SNTG1: variants seen among roughly 807,000 people sequenced by gnomAD.
The protein encoded by SNTG1 is gamma-1-syntrophin.
Under a neutral mutation model 74.7 loss-of-function variants are expected in SNTG1, and 39 were observed. The ratio of observed to expected loss-of-function variants is 0.52; its 90% CI spans 0.40 to 0.68. SNTG1 has a LOEUF of 0.68. Ranked by LOEUF, SNTG1 falls within the 30% of genes least tolerant of loss-of-function variation. The pLI is 0.00. For synonymous variants in SNTG1, 254 were observed against 217.1 expected, an observed-to-expected ratio of 1.17 and a Z score of -1.49; for missense variants, 685 against 609.5, an observed-to-expected ratio of 1.12 and a Z score of -1.30.
At chr8:50,434,686 T>C (rs1197495026) in intron 4 of SNTG1, among the ~76,000 whole-genome samples, 2 of 152,324 alleles carry the variant, frequency 1.3e-5, no homozygotes, top group East Asian at 3.9e-4. Flanking sequence ...ATAAATGTCA[T>C]CTTTTGAGAA....
chr8:50,584,897 G>A (rs1345950170), intron 12 of SNTG1, among the ~76,000 whole-genome samples: 1 of 152,020 alleles, frequency 6.6e-6, no homozygotes, highest in Non-Finnish European at 1.5e-5. Flanking sequence ...GACCTGGGTG[G>A]GCACTGGGTC....
intron 2 of SNTG1, among the ~76,000 whole-genome samples, chr8:50,269,863 T>C (rs140678415): frequency 4.3e-3 from 653 of 152,284 alleles, no homozygotes; most frequent in East Asian, 0.016. Context: ...ACACATTTAC[T>C]CTATGAGCTT....
rs548642691 is a variant in SNTG1, at chr8:50,760,669, C to CA, written c.1395+8566dup. Reference sequence around the variant, plus strand: ...TAAAGAGAGAAGAATCAAATAGACACAAAAAAAATGATAAAAAGAATATCA... The same window carrying CA: ...TAAAGAGAGAAGAATCAAATAGACACAAAAAAAAATGATAAAAAGAATATCA... On this transcript the variant is annotated intron_variant, in intron 18 of 18. Transcript: ENST00000642720. Among the ~76,000 whole-genome samples, 43 of 151,170 alleles carry CA rather than the reference C, an allele frequency of 2.8e-4. 1 individual carries two copies. The South Asian group carries it at 3.1e-3, about 11-fold the overall frequency.
At chr8:50,488,500 T>G (rs2093819419) in intron 8 of SNTG1, among the ~76,000 whole-genome samples, 1 of 152,168 alleles carries the variant, frequency 6.6e-6, no homozygotes, top group African/African-American at 2.4e-5. Flanking sequence ...TTAAAATAAC[T>G]CTCCACACAG....
At chr8:50,326,800 A>G (rs2090767750) in intron 2 of SNTG1, among the ~76,000 whole-genome samples, 1 of 151,572 alleles carries the variant, frequency 6.6e-6, no homozygotes, top group African/African-American at 2.4e-5. Flanking sequence ...TTTTGAGCTC[A>G]CTTTTGTTCT....
intron 2 of SNTG1, among the ~76,000 whole-genome samples, chr8:50,256,001 C>A (rs558715926): frequency 2.4e-4 from 36 of 152,274 alleles, no homozygotes; most frequent in African/African-American, 7.9e-4. Flanking sequence ...CCACCTCTTC[C>A]ATTAGCCCTT....
chr8:50,402,756 G>A (rs1239569879), intron 4 of SNTG1, among the ~76,000 whole-genome samples: 4 of 152,152 alleles, frequency 2.6e-5, no homozygotes, highest in African/African-American at 7.2e-5. Context: ...ATCAGGAGAC[G>A]TTAGGCAGCG....
At chr8:50,667,284 C>T (rs2095255328) in intron 15 of SNTG1, among the ~76,000 whole-genome samples, 1 of 151,968 alleles carries the variant, frequency 6.6e-6, no homozygotes, top group Admixed American at 6.6e-5. Context: ...TGTAAGAACG[C>T]CAAAGTAACC....
rs1246737920 is a variant in SNTG1, at chr8:49,912,029, C to T, written c.-305C>T. 6.6e-6 allele frequency: 1 copy of T among 152,256 alleles called. No individual in the cohort carries two copies. The allele number at this position is 152,256 out of a possible 1,614,324, so 9.4% of individuals were successfully genotyped here. A position where few individuals can be genotyped will look rare whatever the true frequency, so the allele number is the denominator to read the frequency against. Reference sequence around the variant, plus strand: ...GAGGAATTCTGGAGGAGAGTAAAGTCGAAGTTCTTAGAAGCTCTGAGAAAT... The same window carrying T: ...GAGGAATTCTGGAGGAGAGTAAAGTTGAAGTTCTTAGAAGCTCTGAGAAAT... On this transcript the variant is annotated 5_prime_UTR_variant, in exon 1 of 19. Coordinates refer to ENST00000642720, the MANE Select transcript of SNTG1 (RefSeq NM_018967.5).
chr8:50,190,877 T>C (rs1462252737), intron 2 of SNTG1, among the ~76,000 whole-genome samples: 2 of 152,048 alleles, frequency 1.3e-5, no homozygotes, highest in East Asian at 3.9e-4. Flanking sequence ...CTAGAGCATA[T>C]GAAGAAACAA....
At chr8:50,371,172 C>T (rs997951311) in intron 2 of SNTG1, among the ~76,000 whole-genome samples, 1 of 152,156 alleles carries the variant, frequency 6.6e-6, no homozygotes, top group Non-Finnish European at 1.5e-5. Flanking sequence ...TGGCCTACTA[C>T]TGGATCTCAG....
intron 2 of SNTG1, among the ~76,000 whole-genome samples, chr8:50,344,581 A>G (rs2091417626): frequency 6.6e-6 from 1 of 152,188 alleles, no homozygotes; most frequent in Non-Finnish European, 1.5e-5. Context: ...ATAATTTACC[A>G]CATCTGCCCT....
intron 1 of SNTG1, among the ~76,000 whole-genome samples, chr8:50,091,442 T>C (rs1264032719): frequency 2.0e-5 from 3 of 152,124 alleles, no homozygotes; most frequent in Admixed American, 2.0e-4. Context: ...CATCTTCTCA[T>C]GATCTGCAAC....
At chr8:50,111,624 A>G (rs1016152674) in intron 1 of SNTG1, among the ~76,000 whole-genome samples, 4 of 152,180 alleles carry the variant, frequency 2.6e-5, no homozygotes, top group African/African-American at 9.6e-5. Context: ...TGGCAGCGCA[A>G]GAAGAGCAAT....
chr8:50,634,503 A>G (rs2095025978), intron 13 of SNTG1, among the ~76,000 whole-genome samples: 1 of 152,212 alleles, frequency 6.6e-6, no homozygotes, highest in Non-Finnish European at 1.5e-5. Context: ...TATTGAAATA[A>G]TTGTACATTT....
intron 9 of SNTG1, among the ~76,000 whole-genome samples, chr8:50,508,277 T>G (rs189928326): frequency 6.6e-6 from 1 of 152,332 alleles, no homozygotes; most frequent in East Asian, 1.9e-4. Context: ...TGCATAGTAT[T>G]CCATGGTGTA....
chr8:50,120,088 C>A (rs1168358723), intron 1 of SNTG1, among the ~76,000 whole-genome samples: 3 of 141,660 alleles, frequency 2.1e-5, no homozygotes, highest in Non-Finnish European at 4.7e-5. Context: ...GGACACATTG[C>A]ATAACATCTG....
At chr8:49,999,459 G>T (rs1814545565) in intron 1 of SNTG1, among the ~76,000 whole-genome samples, 1 of 152,104 alleles carries the variant, frequency 6.6e-6, no homozygotes, top group South Asian at 2.1e-4. Flanking sequence ...CAGCCACAGT[G>T]ATCTTGTTAT....
intron 2 of SNTG1, among the ~76,000 whole-genome samples, chr8:50,198,426 G>C (rs997799856): frequency 6.6e-6 from 1 of 152,066 alleles, no homozygotes. Flanking sequence ...AGGCAATATG[G>C]GGCAAGTAAA....
Sources: gnomAD v4.1 joint callset for allele counts (sites outside exome capture counted in the v4.1 genomes callset) on GRCh38, gnomAD v4.1.1 for gene constraint, MANE v1.5 for transcripts, NCBI Gene and HGNC (gene_info 2026-07-23, HGNC 2026-07-21) for gene names.